FMN1: variants seen among roughly 807,000 people sequenced by gnomAD.
FMN1 encodes formin-1.
FMN1 carries 110 observed loss-of-function variants against 132.4 expected under a neutral mutation model. That is an observed-to-expected ratio of 0.83 (90% confidence interval 0.71 to 0.97). The LOEUF is 0.97. FMN1 is among the 50% of genes least tolerant of loss of function. FMN1 has a pLI of 0.00. For missense variants in FMN1, 1,792 were observed against 1,705.3 expected, an observed-to-expected ratio of 1.05 and a Z score of -0.90; for synonymous variants, 722 against 651.7, an observed-to-expected ratio of 1.11 and a Z score of -1.64.
intron 16 of FMN1, among the ~76,000 whole-genome samples, chr15:32,858,063 A>G (rs2059177132): frequency 6.6e-6 from 1 of 152,206 alleles, no homozygotes; most frequent in South Asian, 2.1e-4. Context: ...CACCATAAAG[A>G]TATCATGCCA....
intron 6 of FMN1, among the ~76,000 whole-genome samples, chr15:33,030,669 C>G (rs2141062807): frequency 6.6e-6 from 1 of 152,250 alleles, no homozygotes; most frequent in East Asian, 1.9e-4. Context: ...TAAGATGCAT[C>G]AGTATTTACA....
At chr15:32,906,114 G>T (rs1473029815) in intron 12 of FMN1, among the ~76,000 whole-genome samples, 3 of 152,150 alleles carry the variant, frequency 2.0e-5, no homozygotes, top group Admixed American at 2.0e-4. Context: ...CCGGCAATTA[G>T]AACAATAATT....
intron 19 of FMN1, among the ~76,000 whole-genome samples, chr15:32,777,538 A>ATTTATATATTACGTATAACATATAATAC (rs2056471058): frequency 1.2e-5 from 1 of 81,446 alleles, no homozygotes; most frequent in Non-Finnish European, 2.6e-5. Flanking sequence ...ATAACATAAC[A>ATTTATATATTACGTATAACATATAATAC]TTTATATATT....
intron 7 of FMN1, among the ~76,000 whole-genome samples, chr15:33,004,477 G>A (rs1477815973): frequency 6.6e-6 from 1 of 152,164 alleles, no homozygotes; most frequent in Non-Finnish European, 1.5e-5. Flanking sequence ...ATGCAAAGCA[G>A]AACCACAATG....
intron 17 of FMN1, among the ~76,000 whole-genome samples, chr15:32,806,228 C>A (rs1396006855): frequency 6.6e-6 from 1 of 152,116 alleles, no homozygotes; most frequent in African/African-American, 2.4e-5. Flanking sequence ...TGCTGTGATA[C>A]TTCATGAAAG....
At chr15:33,047,040 GT>G (rs2036719717) in intron 6 of FMN1, among the ~76,000 whole-genome samples, 1 of 152,188 alleles carries the variant, frequency 6.6e-6, no homozygotes, top group South Asian at 2.1e-4. Flanking sequence ...TCTCCATTTT[GT>G]TTTATGTCCT....
intron 4 of FMN1, among the ~76,000 whole-genome samples, chr15:33,128,390 C>A (rs1234412251): frequency 1.3e-5 from 2 of 152,182 alleles, no homozygotes; most frequent in East Asian, 3.9e-4. Flanking sequence ...CGAACTCCAA[C>A]TGCCCGCCAT....
chr15:32,949,964 T>TATAC (rs1243666399), intron 9 of FMN1, among the ~76,000 whole-genome samples: 2 of 33,606 alleles, frequency 6.0e-5, no homozygotes, highest in Admixed American at 3.1e-4. Flanking sequence ...TATATATATA[T>TATAC]ACACACATAT....
At chr15:33,159,744 G>GA (rs1231787302) in intron 3 of FMN1, among the ~76,000 whole-genome samples, 1 of 152,208 alleles carries the variant, frequency 6.6e-6, no homozygotes, top group African/African-American at 2.4e-5. Flanking sequence ...AAATGTGCCT[G>GA]AAACATGGCA....
chr15:33,089,882 A>C (rs1020367751), intron 4 of FMN1, among the ~76,000 whole-genome samples: 1 of 152,220 alleles, frequency 6.6e-6, no homozygotes, highest in Non-Finnish European at 1.5e-5. Flanking sequence ...GAGAAAAGCT[A>C]CATACTGTAT....
At chr15:33,000,866 G>C (rs1480435164) in intron 7 of FMN1, among the ~76,000 whole-genome samples, 1 of 152,184 alleles carries the variant, frequency 6.6e-6, no homozygotes, top group Non-Finnish European at 1.5e-5. Flanking sequence ...ATTTTGTCAA[G>C]AGGCATTTCA....
chr15:32,897,039 C>G (rs1252113073), intron 15 of FMN1, among the ~76,000 whole-genome samples: 1 of 152,120 alleles, frequency 6.6e-6, no homozygotes, highest in Non-Finnish European at 1.5e-5. Flanking sequence ...ATGGTGCTAA[C>G]TGGTTCCATT....
intron 17 of FMN1, among the ~76,000 whole-genome samples, chr15:32,815,410 G>C (rs1340545949): frequency 2.0e-5 from 3 of 151,722 alleles, no homozygotes; most frequent in Admixed American, 1.3e-4. Flanking sequence ...AGCTTCTTTG[G>C]GTTTCCCATA....
chr15:33,044,090 T>G (rs992564847), intron 6 of FMN1, among the ~76,000 whole-genome samples: 1 of 152,236 alleles, frequency 6.6e-6, no homozygotes, highest in African/African-American at 2.4e-5. Flanking sequence ...TAGTTGGGTA[T>G]CTACACATTC....
At chr15:32,824,130 G>A (rs1290230755) in intron 17 of FMN1, among the ~76,000 whole-genome samples, 2 of 152,254 alleles carry the variant, frequency 1.3e-5, no homozygotes, top group South Asian at 2.1e-4. Context: ...CCCCGTGAGA[G>A]GGGAAAGGTG....
At chr15:32,965,718 C>A (rs940149657) in intron 8 of FMN1, among the ~76,000 whole-genome samples, 3 of 152,138 alleles carry the variant, frequency 2.0e-5, no homozygotes, top group Admixed American at 6.5e-5. Flanking sequence ...ACATTCACCT[C>A]TTCTCTCCTC....
intron 6 of FMN1, among the ~76,000 whole-genome samples, chr15:33,023,499 G>C (rs16963396): frequency 0.034 from 5,203 of 152,134 alleles, 131 homozygotes; most frequent in Non-Finnish European, 0.053. Flanking sequence ...CACACTAAGA[G>C]ACAAGAAACA....
At chr15:33,076,791 T>C (rs1366078733) in intron 5 of FMN1, among the ~76,000 whole-genome samples, 1 of 152,218 alleles carries the variant, frequency 6.6e-6, no homozygotes, top group Non-Finnish European at 1.5e-5. Context: ...AACAGTTTTC[T>C]TTCCTACTAA....
chr15:33,107,689 C>G (rs1204645969), intron 4 of FMN1, among the ~76,000 whole-genome samples: 1 of 152,098 alleles, frequency 6.6e-6, no homozygotes, highest in Non-Finnish European at 1.5e-5. Flanking sequence ...GAAAGGCTTT[C>G]TTGTCACTGC....
Sources: allele counts gnomAD v4.1 joint callset (sites outside exome capture counted in the v4.1 genomes callset), GRCh38; gene constraint gnomAD v4.1.1; transcripts MANE v1.5; gene names NCBI Gene and HGNC (gene_info 2026-07-23, HGNC 2026-07-21).